Variants in ZNHIT3 observed in about 807,000 individuals in gnomAD.
ZNHIT3 encodes the protein zinc finger HIT domain-containing protein 3.
A neutral mutation model predicts 19.9 loss-of-function variants in ZNHIT3; 27 were observed. The observed-to-expected ratio is 1.36, with a 90% CI of 1.00 to 1.87. The LOEUF (loss-of-function observed/expected upper bound fraction) is 1.87, where lower values mean the gene tolerates loss of function less well. Among genes scored for constraint, ZNHIT3 ranks in the 40% most tolerant of loss-of-function variants. The pLI, the probability that ZNHIT3 is intolerant of heterozygous loss-of-function variation, is 0.00. For synonymous variants in ZNHIT3, 81 were observed against 65.7 expected, an observed-to-expected ratio of 1.23 and a Z score of -1.13; for missense variants, 215 against 185.6, an observed-to-expected ratio of 1.16 and a Z score of -0.92.
Position 36,492,878 on chromosome 17 carries a change from G to A in ZNHIT3, c.184G>A (p.Val62Ile), listed in dbSNP as rs548272327. ...KIRSALPTKT[V>I]KPVENKDDDD... ...AAGATCAGCTCTTCCTACCAAAACCGTAAAGCCTGTGGAAAACAAAGGTGG... is the reference window on the plus strand; with the variant it reads ...AAGATCAGCTCTTCCTACCAAAACCATAAAGCCTGTGGAAAACAAAGGTGG... Residue 62 changes from valine (V) to isoleucine (I), a missense_variant, in exon 3 of 5, where the codon GTA becomes ATA. Val to Ile is a conservative substitution (Grantham distance 29). Transcript: ENST00000617429. The A allele has an allele frequency of 1.1e-5, 18 of 1,614,176 alleles. No homozygotes were observed. The highest frequency in any genetic ancestry group is 4.5e-5 in the East Asian group (2 of 44,892).
intron 2 of ZNHIT3, 23 bp downstream of exon 2, chr17:36,486,989 C>T (rs751358002): frequency 3.1e-6 from 5 of 1,610,516 alleles, no homozygotes; most frequent in Admixed American, 1.7e-5. Flanking sequence ...CCCGCCAGCC[C>T]TCGTACCACT....
downstream of ZNHIT3, chr17:36,496,237 A>G: frequency 6.2e-7 from 1 of 1,613,260 alleles, no homozygotes; most frequent in Non-Finnish European, 8.5e-7. Flanking sequence ...TTGTGGAAAC[A>G]AAGGCACCAA....
At chr17:36,487,619 C>T (rs960773098) in intron 2 of ZNHIT3, among the ~76,000 whole-genome samples, 1 of 151,392 alleles carries the variant, frequency 6.6e-6, no homozygotes, top group Non-Finnish European at 1.5e-5. Context: ...CATGGTGAAA[C>T]TCCGTCTCTA....
chr17:36,494,265 CAGCTA>C (rs1246023268), intron 4 of ZNHIT3, among the ~76,000 whole-genome samples: 2 of 152,222 alleles, frequency 1.3e-5, no homozygotes, highest in African/African-American at 4.8e-5. Context: ...TTTCTTCACT[CAGCTA>C]AGCTTTTCTT....
downstream of ZNHIT3, chr17:36,499,266 G>GT (rs111268012): frequency 0.13 from 66,964 of 511,200 alleles, 3 homozygotes; most frequent in South Asian, 0.21. Context: ...TTTCAAATAC[G>GT]TTTTTTTTTT....
chr17:36,492,463 A>C lies in ZNHIT3; in HGVS notation c.119-350A>C, dbSNP rs1476499040. On this transcript the variant is annotated intron_variant, in intron 2 of 4. Transcript: ENST00000617429. ...CAGCTGGCCTTCTGTTGACTCTGTA[A>C]GTTCTTTGGTGGTTTTGCCCCTAGT... 2.9e-5 allele frequency: 7 copies of C among 237,360 alleles called. No homozygotes were observed. In the East Asian group the frequency reaches 6.6e-4, roughly 22 times the overall value. 14.7% of individuals were successfully genotyped at this position (237,360 alleles called of 1,614,324 possible).
intron 4 of ZNHIT3, 117 bp from the exon 5 acceptor site, chr17:36,495,106 T>G (rs2070861718): frequency 4.6e-5 from 60 of 1,301,694 alleles, no homozygotes; most frequent in Non-Finnish European, 5.7e-5. Context: ...ATTACAGGCA[T>G]GAGCCACCAC....
intron 4 of ZNHIT3, among the ~76,000 whole-genome samples, chr17:36,494,793 C>T (rs1269919422): frequency 5.9e-5 from 9 of 152,172 alleles, no homozygotes; most frequent in Middle Eastern, 3.4e-3. Flanking sequence ...TTCGTATAGC[C>T]GTCTTCACCA....
intron 2 of ZNHIT3, 117 bp downstream of exon 2, chr17:36,487,083 C>G: frequency 7.1e-7 from 1 of 1,404,540 alleles, no homozygotes; most frequent in Non-Finnish European, 9.6e-7. Context: ...CTCGGGTCTC[C>G]GCGGGTTCTG....
In ZNHIT3 at chr17:36,486,738, C is replaced by A. The variant is rs1274446956; in HGVS notation, c.39C>A (p.Ile13=). 1.2e-6 allele frequency: 2 copies of A among 1,613,802 alleles called. No homozygotes were observed. Among genetic ancestry groups the A allele is most frequent in the Admixed American group, 1.7e-5 (1 of 59,988 alleles). ...AATGTAGCACCGTCGTCTGCGTGATCTGCTTGGAGAAGCCCAAATACCGCT... is the reference window on the plus strand; with the variant it reads ...AATGTAGCACCGTCGTCTGCGTGATATGCTTGGAGAAGCCCAAATACCGCT... ...SLKCSTVVCV[I]CLEKPKYRCP... is the part of the protein sequence containing the mutation. Residue 13 remains isoleucine, a synonymous_variant, in exon 1 of 5, where the codon ATC becomes ATA. Coordinates refer to ENST00000617429, the MANE Select transcript of ZNHIT3 (RefSeq NM_004773.4).
chr17:36,495,921 C>G, downstream of ZNHIT3: 2 of 1,144,468 alleles, frequency 1.7e-6, no homozygotes, highest in Non-Finnish European at 2.2e-6. Context: ...TCCAAAAGTG[C>G]TTATGTGGAA....
chr17:36,486,790 G>A lies in ZNHIT3; in HGVS notation c.86+5G>A. 2 of 1,612,692 alleles carry A rather than the reference G, an allele frequency of 1.2e-6. No homozygotes were observed. Among genetic ancestry groups the A allele is most frequent in the East Asian group, 4.5e-5 (2 of 44,656 alleles). ...TCCAGCCTGCCGCGTGCCCTAGTGA[G>A]CGGGGAGGTCGCGGGGTCCAGGGGC... On this transcript the variant is annotated splice_donor_5th_base_variant and intron_variant, in intron 1 of 4. Coordinates refer to ENST00000617429, the MANE Select transcript of ZNHIT3 (RefSeq NM_004773.4).
intron 4 of ZNHIT3, among the ~76,000 whole-genome samples, chr17:36,494,536 C>T (rs769661332): frequency 2.0e-5 from 3 of 152,206 alleles, no homozygotes; most frequent in Non-Finnish European, 4.4e-5. Context: ...TCAGTCCTTA[C>T]AACATTCTGT....
intron 2 of ZNHIT3, 139 bp downstream of exon 2, chr17:36,487,105 C>T: frequency 8.9e-7 from 1 of 1,128,454 alleles, no homozygotes; most frequent in Non-Finnish European, 1.2e-6. Flanking sequence ...AGGAACCTTG[C>T]TTCCTCTGAC....
downstream of ZNHIT3, chr17:36,499,057 T>C: frequency 6.3e-7 from 1 of 1,592,084 alleles, no homozygotes; most frequent in Non-Finnish European, 8.6e-7. Flanking sequence ...CCACCCCGAC[T>C]TCTTGGGTCT....
chr17:36,496,103 G>T (rs990690753), downstream of ZNHIT3: 4 of 1,123,506 alleles, frequency 3.6e-6, no homozygotes, highest in African/African-American at 3.1e-5. Context: ...CACTGGGCAC[G>T]GGGCTCTGGG....
Position 36,493,935 on chromosome 17 carries a change from ACT to A in ZNHIT3, c.218_219del (p.Ser73TyrfsTer3), listed in dbSNP as rs867177884. On this transcript the variant is annotated frameshift_variant, in exon 4 of 5. Transcript: ENST00000617429. LOFTEE classifies it high-confidence loss of function. The stretch of plus-strand genomic sequence containing the variant: ...GTTTTGTATTCCTTAGATGATGATG[ACT>A]CTATAGCTGATTTTCTCAATAGTGA... 13 of 1,612,748 alleles carry A rather than the reference ACT, an allele frequency of 8.1e-6. No homozygotes were observed. Among genetic ancestry groups the A allele is most frequent in the Non-Finnish European group, 1.0e-5 (12 of 1,179,144 alleles).
chr17:36,486,770 C>A lies in ZNHIT3; in HGVS notation c.71C>A (p.Ala24Asp), dbSNP rs764827911. ...GAGAAGCCCAAATACCGCTGTCCAG[C>A]CTGCCGCGTGCCCTAGTGAGCGGGG... ...CLEKPKYRCP[A>D]CRVPYCSVVC... Residue 24 changes from alanine to aspartate, a missense_variant, in exon 1 of 5, where the codon GCC becomes GAC. Transcript: ENST00000617429. 3 of 1,613,160 alleles carry A rather than the reference C, an allele frequency of 1.9e-6. No individual in the cohort carries two copies.
At chr17:36,490,443 G>A (rs1477344751) in intron 2 of ZNHIT3, 2 of 152,116 alleles carry the variant, frequency 1.3e-5, no homozygotes, top group Non-Finnish European at 2.9e-5. Flanking sequence ...ATTGATCTAT[G>A]TGTCTATTTT....
Sources: allele counts gnomAD v4.1 joint callset (sites outside exome capture counted in the v4.1 genomes callset), GRCh38; gene constraint gnomAD v4.1.1; transcripts MANE v1.5; gene names NCBI Gene and HGNC (gene_info 2026-07-23, HGNC 2026-07-21).